Variants in RNF20 observed in about 807,000 individuals in gnomAD.
RNF20 encodes the protein ring finger protein 20.
RNF20 carries 84 observed loss-of-function variants against 126.2 expected under a neutral mutation model. The ratio of observed to expected loss-of-function variants is 0.67; its 90% confidence interval spans 0.56 to 0.80. The LOEUF is 0.80. RNF20 is among the 30% of genes least tolerant of loss of function. The probability of loss-of-function intolerance (pLI) is 0.00; values close to 1 mark genes in which losing one functional copy is unlikely to be tolerated. For synonymous variants in RNF20, 400 were observed against 414.3 expected (o/e 0.97, Z 0.42); for missense variants, 869 against 1,188.2 (o/e 0.73, Z 3.95).
chr9:101,549,497 G>A (rs899185760), intron 9 of RNF20, among the ~76,000 whole-genome samples: 6 of 152,140 alleles, frequency 3.9e-5, no homozygotes, highest in Non-Finnish European at 8.8e-5. Flanking sequence ...TTAGGCCTCC[G>A]GATAACGGCG....
rs939700401 is a variant in RNF20 at position 101,557,457 on chromosome 9, G to A, written c.2243G>A (p.Arg748His). ...AFEDMQEQNI[R>H]LMQQLREKDD... ...GAAGACATGCAGGAGCAAAATATCC[G>A]TTTGATGCAGCAATTGCGGGAGAAG... The change falls in exon 16 of 20, where the codon CGT becomes CAT. Residue 748 changes from arginine (R) to histidine (H), a missense_variant. Arg to His is a conservative substitution (Grantham distance 29). Transcript: ENST00000389120. 5.6e-6 allele frequency: 9 copies of A among 1,613,846 alleles called. No individual in the cohort carries two copies. Among genetic ancestry groups the A allele is most frequent in the South Asian group, 1.1e-5 (1 of 91,088 alleles).
At chr9:101,538,811 A>G (rs1827220761) in intron 2 of RNF20, among the ~76,000 whole-genome samples, 3 of 152,218 alleles carry the variant, frequency 2.0e-5, no homozygotes, top group Non-Finnish European at 1.5e-5. Flanking sequence ...TAAAATAATG[A>G]TTTCATTAAT....
chr9:101,549,696 G>A (rs145228850), intron 9 of RNF20, among the ~76,000 whole-genome samples: 9,279 of 152,202 alleles, frequency 0.061, 369 homozygotes, highest in Admixed American at 0.097. Context: ...TGGCATTACC[G>A]CTAGACCAAG....
Position 101,560,841 on chromosome 9 carries a change from A to G in RNF20, c.2423A>G (p.Lys808Arg). 5 of 1,613,576 alleles carry G rather than the reference A, an allele frequency of 3.1e-6. No individual in the cohort carries two copies. The highest frequency in any genetic ancestry group is 4.2e-6 in the Non-Finnish European group (5 of 1,179,618). ...QLQVVRKLEEKEHLLQSNIGT... is the reference protein window; with the variant it reads ...QLQVVRKLEEREHLLQSNIGT... ...CAGGTAGTAAGGAAACTGGAAGAGA[A>G]GGAGCATCTGTTACAGAGCAACATT... Residue 808 changes from lysine to arginine, a missense_variant, in exon 17 of 20, where the codon AAG becomes AGG. By Grantham distance (26) the Lys-to-Arg change is conservative (BLOSUM62 2). This residue lies in a region of RNF20 where 150 missense variants were observed against 173.7 expected (regional missense o/e 0.86). Transcript: ENST00000389120.
chr9:101,559,094 A>T (rs562164958), intron 16 of RNF20, among the ~76,000 whole-genome samples: 1 of 152,130 alleles, frequency 6.6e-6, no homozygotes, highest in African/African-American at 2.4e-5. Context: ...AGAGATGAGG[A>T]TCTAGTTCCA....
chr9:101,554,710 A>C lies in RNF20; in HGVS notation c.2036A>C (p.Gln679Pro), dbSNP rs1432498942. Reference protein sequence around the residue: ...KSKAELEDLRQRLKDLEDKEK... With the variant: ...KSKAELEDLRPRLKDLEDKEK... Reference sequence around the variant, plus strand: ...CTCTTATAGTTGGAAGATCTAAGGCAAAGACTCAAGGATCTGGAAGATAAA... The same window carrying C: ...CTCTTATAGTTGGAAGATCTAAGGCCAAGACTCAAGGATCTGGAAGATAAA... The change falls in exon 15 of 20, where the codon CAA becomes CCA. Residue 679 changes from glutamine to proline, a missense_variant. Transcript: ENST00000389120. 5.0e-6 allele frequency: 8 copies of C among 1,611,350 alleles called. No homozygotes were observed. Among genetic ancestry groups the C allele is most frequent in the Non-Finnish European group, 6.8e-6 (8 of 1,178,324 alleles).
Position 101,554,709 on chromosome 9 carries a change from CA to C in RNF20, c.2038del (p.Arg680AspfsTer22). ...KSKAELEDLR[Q>X]RLKDLEDKEK... ...CCTCTTATAGTTGGAAGATCTAAGG[CA>C]AAGACTCAAGGATCTGGAAGATAAA... On this transcript the variant is annotated frameshift_variant, in exon 15 of 20. Coordinates refer to ENST00000389120, the MANE Select transcript of RNF20 (RefSeq NM_019592.7). LOFTEE classifies it high-confidence loss of function. 1.2e-6 allele frequency: 2 copies of C among 1,610,202 alleles called. No individual in the cohort carries two copies. Among genetic ancestry groups the C allele is most frequent in the Non-Finnish European group, 1.7e-6 (2 of 1,177,672 alleles).
At chr9:101,561,279 C>A in intron 18 of RNF20, 49 bp downstream of exon 18, 2 of 1,572,560 alleles carry the variant, frequency 1.3e-6, no homozygotes, top group South Asian at 2.3e-5. Context: ...TTTCTGAGGT[C>A]GGAAGTGACC....
Position 101,546,832 on chromosome 9 carries a change from CA to C in RNF20, c.761del (p.Gln254ArgfsTer17). Reference protein sequence around the residue: ...RTMSQEFSKLQSKVETAESRV... With the variant: ...RTMSQEFSKLXSKVETAESRV... ...CTTTGGGATGTAGTTCTCCAAGTTG[CA>C]GAGTAAAGTGGAGACAGCCGAATCA... On this transcript the variant is annotated frameshift_variant, in exon 7 of 20. Transcript: ENST00000389120. LOFTEE classifies it high-confidence loss of function. 1 of 1,614,050 alleles carries C rather than the reference CA, an allele frequency of 6.2e-7. No individual in the cohort carries two copies.
chr9:101,549,499 A>G (rs541678785), intron 9 of RNF20, among the ~76,000 whole-genome samples: 1 of 152,298 alleles, frequency 6.6e-6, no homozygotes, highest in East Asian at 1.9e-4. Flanking sequence ...AGGCCTCCGG[A>G]TAACGGCGGA....
At chr9:101,535,574 A>G in intron 2 of RNF20, 22 bp downstream of exon 2, 2 of 1,600,768 alleles carry the variant, frequency 1.2e-6, no homozygotes, top group African/African-American at 1.3e-5. Context: ...CAGTGCCATG[A>G]AAGTGTGCTT....
At chr9:101,542,583 G>T (rs775437376) in intron 5 of RNF20, among the ~76,000 whole-genome samples, 3 of 152,148 alleles carry the variant, frequency 2.0e-5, no homozygotes, top group Admixed American at 1.3e-4. Context: ...TAAAATAATG[G>T]TGCTTTGTGT....
At chr9:101,538,350 T>A (rs775512640) in intron 2 of RNF20, among the ~76,000 whole-genome samples, 3 of 152,020 alleles carry the variant, frequency 2.0e-5, no homozygotes, top group Non-Finnish European at 4.4e-5. Flanking sequence ...AGAGTGATAA[T>A]AAGGTAGGTG....
At chr9:101,545,240 C>T (rs549455543) in intron 6 of RNF20, among the ~76,000 whole-genome samples, 1 of 152,122 alleles carries the variant, frequency 6.6e-6, no homozygotes, top group Non-Finnish European at 1.5e-5. Flanking sequence ...TTTATTTACA[C>T]AAAATGATCA....
intron 15 of RNF20, 60 bp downstream of exon 15, chr9:101,554,903 A>T: frequency 7.7e-7 from 1 of 1,298,312 alleles, no homozygotes; most frequent in Non-Finnish European, 1.0e-6. Flanking sequence ...ACAATAAGTT[A>T]TTGCCAGTGA....
chr9:101,543,719 A>T (rs924792595), intron 5 of RNF20, among the ~76,000 whole-genome samples: 2 of 152,220 alleles, frequency 1.3e-5, no homozygotes, highest in African/African-American at 4.8e-5. Flanking sequence ...ATTGAATTTT[A>T]TTGTATTCTA....
At chr9:101,537,734 CAAG>C (rs1827205349) in intron 2 of RNF20, among the ~76,000 whole-genome samples, 1 of 152,122 alleles carries the variant, frequency 6.6e-6, no homozygotes, top group African/African-American at 2.4e-5. Context: ...GAAAGTATTT[CAAG>C]AAGGAGCTGA....
Position 101,547,449 on chromosome 9 carries a change from C to G in RNF20, c.1023C>G (p.Asn341Lys). Residue 341 changes from asparagine to lysine, a missense_variant, in exon 9 of 20, where the codon AAC becomes AAG. Transcript: ENST00000389120. Reference protein sequence around the residue: ...ELEENKELAQNRLCELEKLRQ... With the variant: ...ELEENKELAQKRLCELEKLRQ... Reference sequence around the variant, plus strand: ...AGGAGAACAAAGAGTTGGCTCAGAACCGTCTCTGTGAGCTGGAGAAACTTC... The same window carrying G: ...AGGAGAACAAAGAGTTGGCTCAGAAGCGTCTCTGTGAGCTGGAGAAACTTC... The G allele has an allele frequency of 6.2e-7, 1 of 1,614,136 alleles. No homozygotes were observed. The highest frequency in any genetic ancestry group is 8.5e-7 in the Non-Finnish European group (1 of 1,179,986).
intron 15 of RNF20, among the ~76,000 whole-genome samples, chr9:101,556,009 C>CT (rs147788792): frequency 0.15 from 22,503 of 147,840 alleles, 2,235 homozygotes; most frequent in East Asian, 0.36. Context: ...GTAAATGCCA[C>CT]TTTTTTTTTT....
Sources: allele counts gnomAD v4.1 joint callset (sites outside exome capture counted in the v4.1 genomes callset), GRCh38; gene constraint gnomAD v4.1.1; regional missense constraint gnomAD v4.1.1; transcripts MANE v1.5; gene names NCBI Gene and HGNC (gene_info 2026-07-23, HGNC 2026-07-21).